Variants in SNX25 observed in about 807,000 individuals in gnomAD.
The protein encoded by SNX25 is sorting nexin 25, also known as sorting nexin-25.
SNX25 carries 62 observed loss-of-function variants against 113.7 expected under a neutral mutation model. The observed-to-expected ratio is 0.55, with a 90% CI of 0.44 to 0.67. The LOEUF (loss-of-function observed/expected upper bound fraction) is 0.67. SNX25 is among the 30% of genes least tolerant of loss of function. The pLI is 0.00. For missense variants in SNX25, 1,014 were observed against 1,161.0 expected (o/e 0.87, Z 1.84); for synonymous variants, 421 against 436.2 (o/e 0.97, Z 0.43).
chr4:185,245,401 G>T (rs2126479143), intron 1 of SNX25, among the ~76,000 whole-genome samples: 1 of 151,846 alleles, frequency 6.6e-6, no homozygotes, highest in South Asian at 2.1e-4. Context: ...GCAGTGGCGA[G>T]ATCTCAACTC....
intron 13 of SNX25, among the ~76,000 whole-genome samples, chr4:185,350,866 A>AAAAAG (rs796963097): frequency 6.6e-6 from 1 of 152,214 alleles, no homozygotes; most frequent in South Asian, 2.1e-4. Context: ...CGTCTCAAAA[A>AAAAAG]AAAAGAAAAG....
chr4:185,241,361 G>C (rs543319419), intron 1 of SNX25, among the ~76,000 whole-genome samples: 1 of 151,244 alleles, frequency 6.6e-6, no homozygotes, highest in Non-Finnish European at 1.5e-5. Flanking sequence ...GCCTGCAATC[G>C]CAGGCACTCG....
At chr4:185,298,802 A>G (rs1253303193) in intron 6 of SNX25, among the ~76,000 whole-genome samples, 8 of 152,160 alleles carry the variant, frequency 5.3e-5, no homozygotes, top group Non-Finnish European at 1.2e-4. Context: ...GTTTATATCT[A>G]CTGTCTCTTT....
At chr4:185,373,006 A>C (rs746860044), downstream of SNX25, 5 of 1,613,850 alleles carry the variant, frequency 3.1e-6, no homozygotes, top group Non-Finnish European at 3.4e-6. Context: ...TTGTCCATAC[A>C]AGTACATGAG....
At chr4:185,249,220 C>T (rs766673790) in intron 2 of SNX25, among the ~76,000 whole-genome samples, 11 of 152,120 alleles carry the variant, frequency 7.2e-5, no homozygotes, top group Non-Finnish European at 1.2e-4. Flanking sequence ...AATTACCAAA[C>T]GGTATTCCAA....
At chr4:185,376,443 C>CTTTTTTTTTTTTTTTTTTTTTT in the SNX25 span, among the ~76,000 whole-genome samples, 2 of 105,824 alleles carry the variant, frequency 1.9e-5, 1 homozygote, top group African/African-American at 7.8e-5. Context: ...TGCCCAGCTA[C>CTTTTTTTTTTTTTTTTTTTTTT]TTTTTTTTTT....
At chr4:185,323,347 GT>G (rs879430742) in intron 8 of SNX25, among the ~76,000 whole-genome samples, 180 bp from the exon 9 acceptor site, 71 of 144,814 alleles carry the variant, frequency 4.9e-4, no homozygotes, top group Admixed American at 4.8e-4. Context: ...TAAAGAATTA[GT>G]TTTTTTTTTT....
intron 15 of SNX25, 142 bp from the exon 16 acceptor site, chr4:185,357,529 A>G: frequency 1.5e-6 from 1 of 686,898 alleles, no homozygotes; most frequent in South Asian, 1.9e-5. Flanking sequence ...CCTAAACCCA[A>G]ATTCTGCAGA....
At chr4:185,236,369 G>A (rs1327228923) in intron 1 of SNX25, among the ~76,000 whole-genome samples, 1 of 151,574 alleles carries the variant, frequency 6.6e-6, no homozygotes. Context: ...CCTGACTGAA[G>A]AAAAAAAAGA....
rs776653270 is a variant in SNX25, at chr4:185,353,580, G to A, written c.2562G>A (p.Gly854=). ...ALAEPCFMLI[G]EIFELRGMFK... is the part of the protein sequence containing the mutation. ...CTGAACCATGTTTCATGTTGATTGG[G>A]GAGATTTTTGAACTTCGAGGAAGTA... Residue 854 remains glycine, a synonymous_variant, in exon 15 of 19, where the codon GGG becomes GGA. Coordinates refer to ENST00000652585, the MANE Select transcript of SNX25 (RefSeq NM_001378034.2). 1 of 1,613,996 alleles carries A rather than the reference G, an allele frequency of 6.2e-7. No homozygotes were observed. Among genetic ancestry groups the A allele is most frequent in the South Asian group, 1.1e-5 (1 of 91,072 alleles).
chr4:185,235,057 A>G (rs1311478229), intron 1 of SNX25, among the ~76,000 whole-genome samples: 1 of 152,228 alleles, frequency 6.6e-6, no homozygotes, highest in Non-Finnish European at 1.5e-5. Context: ...CAGAGAAAAG[A>G]TCTAATGGTT....
chr4:185,228,546 TA>T (rs1313502435), intron 1 of SNX25, among the ~76,000 whole-genome samples: 4 of 152,166 alleles, frequency 2.6e-5, no homozygotes, highest in Non-Finnish European at 4.4e-5. Flanking sequence ...ATTTTTATTT[TA>T]TTTTTTTTAG....
At chr4:185,378,463 T>G in the SNX25 span, 2 of 1,226,922 alleles carry the variant, frequency 1.6e-6, no homozygotes, top group African/African-American at 1.5e-5. Context: ...TTGCACGTCC[T>G]GTCTGGCTAT....
chr4:185,360,043 A>G (rs2095354974), intron 16 of SNX25, among the ~76,000 whole-genome samples: 1 of 152,210 alleles, frequency 6.6e-6, no homozygotes, highest in Non-Finnish European at 1.5e-5. Context: ...CTACAATTTC[A>G]CATGCTAGAA....
intron 9 of SNX25, among the ~76,000 whole-genome samples, chr4:185,326,838 T>G (rs935852670): frequency 1.3e-5 from 2 of 152,236 alleles, no homozygotes; most frequent in South Asian, 4.1e-4. Flanking sequence ...AGACCCTTTT[T>G]AACCCTTTAT....
chr4:185,244,883 T>C (rs1744606515), intron 1 of SNX25, among the ~76,000 whole-genome samples: 1 of 152,168 alleles, frequency 6.6e-6, no homozygotes, highest in Non-Finnish European at 1.5e-5. Context: ...TTAATAACAG[T>C]AAGCACGAAC....
intron 1 of SNX25, among the ~76,000 whole-genome samples, chr4:185,233,895 T>C (rs771263424): frequency 3.3e-5 from 5 of 152,148 alleles, no homozygotes; most frequent in Non-Finnish European, 7.3e-5. Context: ...TGTGGCTCTG[T>C]TGCCCAGGCT....
intron 12 of SNX25, among the ~76,000 whole-genome samples, chr4:185,342,789 T>A (rs2095266866): frequency 6.6e-6 from 1 of 152,234 alleles, no homozygotes; most frequent in African/African-American, 2.4e-5. Flanking sequence ...GGTGCGGTGC[T>A]TGGAGCACAG....
At position 185,223,742 on chromosome 4, in the gene SNX25, A is replaced by C. The variant is rs1162404562; in HGVS notation, c.429+13487A>C. Among the ~76,000 whole-genome samples the C allele has an allele frequency of 6.9e-3, 121 of 17,462 alleles. 1 individual carries two copies. Among genetic ancestry groups the C allele is most frequent in the African/African-American group, 0.018 (113 of 6,270 alleles). The allele number at this position is 17,462 out of a possible 152,430, so 11.5% of individuals were successfully genotyped here. On this transcript the variant is annotated intron_variant, in intron 1 of 18. Coordinates refer to ENST00000652585, the MANE Select transcript of SNX25 (RefSeq NM_001378034.2). ...CTTGCAGTGAGCCGAGATCGTGCCG[A>C]AAAAAAAAAAAAAGTCATGTTGTAC...
Sources: gnomAD v4.1 joint callset for allele counts (sites outside exome capture counted in the v4.1 genomes callset) on GRCh38, gnomAD v4.1.1 for gene constraint, MANE v1.5 for transcripts, NCBI Gene and HGNC (gene_info 2026-07-23, HGNC 2026-07-21) for gene names.